Variants in PNLDC1 observed in about 807,000 individuals in gnomAD.
PNLDC1 encodes the protein poly(A)-specific ribonuclease PNLDC1.
PNLDC1 carries 70 observed loss-of-function variants against 82.0 expected under a neutral mutation model. That is an observed-to-expected ratio of 0.85 (90% CI 0.70 to 1.04). The LOEUF (loss-of-function observed/expected upper bound fraction) is 1.04, where lower values mean the gene tolerates loss of function less well. Ranked by LOEUF, PNLDC1 falls within the 50% of genes least tolerant of loss-of-function variation. The pLI, the probability that PNLDC1 is intolerant of heterozygous loss-of-function variation, is 0.00. For missense variants in PNLDC1, 631 were observed against 661.1 expected (o/e 0.95, Z 0.50); for synonymous variants, 280 against 249.3 (o/e 1.12, Z -1.16).
At chr6:159,800,159 G>C, upstream of PNLDC1, 1 of 658,180 alleles carries the variant, frequency 1.5e-6, no homozygotes. Flanking sequence ...GACGCCAGCA[G>C]CACACGGGGA....
At chr6:159,817,870 T>A (rs952798940) in intron 15 of PNLDC1, among the ~76,000 whole-genome samples, 1 of 152,236 alleles carries the variant, frequency 6.6e-6, no homozygotes, top group Non-Finnish European at 1.5e-5. Flanking sequence ...TAGCAGTGGA[T>A]GTTATAAATA....
At chr6:159,806,743 T>G (rs1781461530) in intron 7 of PNLDC1, among the ~76,000 whole-genome samples, 1 of 152,218 alleles carries the variant, frequency 6.6e-6, no homozygotes, top group South Asian at 2.1e-4. Context: ...ATCTCAATCT[T>G]TTGATTACTC....
intron 10 of PNLDC1, among the ~76,000 whole-genome samples, chr6:159,810,687 GTTGACA>G (rs1190788574): frequency 6.6e-6 from 1 of 152,140 alleles, no homozygotes; most frequent in African/African-American, 2.4e-5. Context: ...TCTCCAGCGA[GTTGACA>G]TTACCTTAAT....
At chr6:159,809,506 G>A (rs1164713931) in intron 9 of PNLDC1, among the ~76,000 whole-genome samples, 1 of 149,476 alleles carries the variant, frequency 6.7e-6, no homozygotes, top group Non-Finnish European at 1.5e-5. Context: ...GTTGCCCAGA[G>A]TGGTCTCGAA....
chr6:159,811,664 CAA>C (rs1562502360), intron 10 of PNLDC1, 35 bp from the exon 11 acceptor site: 6 of 1,558,214 alleles, frequency 3.9e-6, no homozygotes, highest in Non-Finnish European at 5.3e-6. Context: ...TGCCAACAAA[CAA>C]ATTCACTCTT....
At chr6:159,804,494 A>C (rs1261354050) in intron 5 of PNLDC1, 55 bp from the exon 6 acceptor site, 1 of 1,219,240 alleles carries the variant, frequency 8.2e-7, no homozygotes, top group Non-Finnish European at 1.2e-6. Context: ...TCAGGCACAG[A>C]GGATCCCTCT....
intron 7 of PNLDC1, 66 bp downstream of exon 7, chr6:159,806,149 TGGG>T: frequency 8.1e-7 from 1 of 1,233,338 alleles, no homozygotes; most frequent in Admixed American, 1.7e-5. Flanking sequence ...TGCCAGGAGT[TGGG>T]GGAAACACAC....
chr6:159,800,980 G>C, intron 2 of PNLDC1, 133 bp from the exon 3 acceptor site: 1 of 1,438,676 alleles, frequency 7.0e-7, no homozygotes, highest in Non-Finnish European at 9.8e-7. Context: ...TCCACTAAAT[G>C]ATGGTAGTGC....
At position 159,820,560 on chromosome 6, in the gene PNLDC1, C is replaced by T. The variant is rs1297518093; in HGVS notation, c.*43C>T. ...GCGGCCACCCTCGGGTCCCCATGCT[C>T]TCTGGGAGGTGTGCTGGGTGTGTTC... On this transcript the variant is annotated 3_prime_UTR_variant, in exon 19 of 19. Transcript: ENST00000392167. 1.3e-6 allele frequency: 2 copies of T among 1,572,762 alleles called. No homozygotes were observed. The highest frequency in any genetic ancestry group is 2.2e-5 in the East Asian group (1 of 44,712).
At position 159,800,740 on chromosome 6, in the gene PNLDC1, C is replaced by A. The variant is rs775070308; in HGVS notation, c.77-32C>A. 1.9e-6 allele frequency: 3 copies of A among 1,614,202 alleles called. No homozygotes were observed. In the Admixed American group the frequency reaches 5.0e-5, roughly 27 times the overall value. The stretch of plus-strand genomic sequence containing the variant: ...GAGGAGTGCTGGCGATGTTCTGCAC[C>A]CGAGGACTGCTATTTTTTGCCTTCC... On this transcript the variant is annotated intron_variant, in intron 1 of 18. Coordinates refer to ENST00000392167, the MANE Select transcript of PNLDC1 (RefSeq NM_001271862.2).
In PNLDC1 at chr6:159,800,768, G is replaced by A; in HGVS notation, c.77-4G>A. On this transcript the variant is annotated splice_polypyrimidine_tract_variant and splice_region_variant and intron_variant, in intron 1 of 18. Coordinates refer to ENST00000392167, the MANE Select transcript of PNLDC1 (RefSeq NM_001271862.2). ...AGGACTGCTATTTTTTGCCTTCCTGGCAGGTCTGGACATAGAGTTCACGGG... is the reference window on the plus strand; with the variant it reads ...AGGACTGCTATTTTTTGCCTTCCTGACAGGTCTGGACATAGAGTTCACGGG... 2.5e-6 allele frequency: 4 copies of A among 1,614,168 alleles called. No homozygotes were observed. Among genetic ancestry groups the A allele is most frequent in the Non-Finnish European group, 3.4e-6 (4 of 1,180,030 alleles).
Position 159,804,556 on chromosome 6 carries a change from A to G in PNLDC1, c.380A>G (p.Lys127Arg). Reference sequence around the variant, plus strand: ...TTCTGTTTCTGTCTTAAGTTTCTCAAAAACGGAATCCCATATATGAATGAA... The same window carrying G: ...TTCTGTTTCTGTCTTAAGTTTCTCAGAAACGGAATCCCATATATGAATGAA... The part of the protein sequence containing the change: ...QYGFNYNKFL[K>R]NGIPYMNEEQ... The change falls in exon 6 of 19, where the codon AAA becomes AGA. Residue 127 changes from lysine (K) to arginine (R), a missense_variant. Physicochemically the swap from Lys to Arg is conservative, Grantham distance 26. Coordinates refer to ENST00000392167, the MANE Select transcript of PNLDC1 (RefSeq NM_001271862.2). 6.3e-7 allele frequency: 1 copy of G among 1,597,690 alleles called. No homozygotes were observed. The highest frequency in any genetic ancestry group is 8.6e-7 in the Non-Finnish European group (1 of 1,165,122).
rs142457687 is a variant in PNLDC1, at chr6:159,818,654, C to A, written c.1257C>A (p.Ile419=). Residue 419 remains isoleucine (I), a splice_region_variant and synonymous_variant, in exon 16 of 19, where the codon ATC becomes ATA. Coordinates refer to ENST00000392167, the MANE Select transcript of PNLDC1 (RefSeq NM_001271862.2). Reference sequence around the variant, plus strand: ...TCATCCGAGCGGGGGTCCCAAAGATCGTGAGTAGATCTCATTTGGCCCCCT... The same window carrying A: ...TCATCCGAGCGGGGGTCCCAAAGATAGTGAGTAGATCTCATTTGGCCCCCT... The part of the protein sequence containing the change: ...VNLIRAGVPK[I]NFSGPDYPSI... 5 of 1,612,470 alleles carry A rather than the reference C, an allele frequency of 3.1e-6. No homozygotes were observed. The African/African-American group carries it at 4.0e-5, about 13-fold the overall frequency.
intron 12 of PNLDC1, 82 bp downstream of exon 12, chr6:159,813,738 G>T: frequency 7.9e-7 from 1 of 1,268,458 alleles, no homozygotes; most frequent in Non-Finnish European, 1.2e-6. Context: ...GGCTCTCTAG[G>T]CGTGCCCACC....
chr6:159,807,766 T>C (rs1024012715), intron 7 of PNLDC1, among the ~76,000 whole-genome samples: 1 of 152,234 alleles, frequency 6.6e-6, no homozygotes, highest in Non-Finnish European at 1.5e-5. Flanking sequence ...TCATTAATGA[T>C]GGTTTCAGAT....
At chr6:159,804,429 A>G in intron 5 of PNLDC1, 120 bp from the exon 6 acceptor site, 1 of 718,220 alleles carries the variant, frequency 1.4e-6, no homozygotes. Context: ...AGTGATCTAG[A>G]CGAACTGGCT....
chr6:159,813,343 A>G (rs577020353), intron 11 of PNLDC1, among the ~76,000 whole-genome samples: 1 of 152,196 alleles, frequency 6.6e-6, no homozygotes, highest in Non-Finnish European at 1.5e-5. Flanking sequence ...TCTGTTGAAC[A>G]CATTTTCTAA....
Position 159,800,759 on chromosome 6 carries a change from G to C in PNLDC1, c.77-13G>C. The C allele has an allele frequency of 6.2e-7, 1 of 1,614,158 alleles. No individual in the cohort carries two copies. The highest frequency in any genetic ancestry group is 8.5e-7 in the Non-Finnish European group (1 of 1,180,014). ...CTGCACCCGAGGACTGCTATTTTTT[G>C]CCTTCCTGGCAGGTCTGGACATAGA... On this transcript the variant is annotated splice_polypyrimidine_tract_variant and intron_variant, in intron 1 of 18. Coordinates refer to ENST00000392167, the MANE Select transcript of PNLDC1 (RefSeq NM_001271862.2).
At chr6:159,820,217 G>C (rs1781991625) in intron 18 of PNLDC1, among the ~76,000 whole-genome samples, 1 of 152,212 alleles carries the variant, frequency 6.6e-6, no homozygotes, top group Non-Finnish European at 1.5e-5. Context: ...TTAGAAAACA[G>C]CATTGCTGAG....
Sources: allele counts gnomAD v4.1 joint callset (sites outside exome capture counted in the v4.1 genomes callset), GRCh38; gene constraint gnomAD v4.1.1; transcripts MANE v1.5; gene names NCBI Gene and HGNC (gene_info 2026-07-23, HGNC 2026-07-21).